RAB38: variants seen among roughly 807,000 people sequenced by gnomAD.
The protein encoded by RAB38 is ras-related protein Rab-38.
RAB38 carries 15 observed loss-of-function variants against 18.4 expected under a neutral mutation model. The ratio of observed to expected loss-of-function variants is 0.82; its 90% CI spans 0.55 to 1.26. The LOEUF is 1.26. Ranked by LOEUF, RAB38 falls within the 50% of genes most tolerant of loss-of-function variation. The pLI, the probability that RAB38 is intolerant of heterozygous loss-of-function variation, is 0.00. For missense variants in RAB38, 294 were observed against 267.4 expected, an observed-to-expected ratio of 1.10 and a Z score of -0.69; for synonymous variants, 101 against 104.4, an observed-to-expected ratio of 0.97 and a Z score of 0.20.
intron 1 of RAB38, among the ~76,000 whole-genome samples, chr11:88,163,693 T>C (rs4500493): frequency 0.14 from 20,756 of 152,188 alleles, 1,529 homozygotes; most frequent in Middle Eastern, 0.21. Flanking sequence ...GAACAAAAGA[T>C]GGATGGATTA....
the RAB38 span, among the ~76,000 whole-genome samples, chr11:87,836,828 T>C: frequency 6.6e-6 from 1 of 152,306 alleles, no homozygotes; most frequent in South Asian, 2.1e-4. Context: ...TAAATTTCTT[T>C]TTGTACTCAT....
chr11:87,972,477 C>T, the RAB38 span, among the ~76,000 whole-genome samples: 24 of 152,090 alleles, frequency 1.6e-4, no homozygotes, highest in African/African-American at 5.3e-4. Flanking sequence ...ACTGAATGAA[C>T]AGAGATAGAA....
the RAB38 span, among the ~76,000 whole-genome samples, chr11:87,856,304 T>C: frequency 6.6e-6 from 1 of 152,082 alleles, no homozygotes; most frequent in Non-Finnish European, 1.5e-5. Flanking sequence ...CTTCATACAC[T>C]CTTACAAACT....
chr11:87,910,628 A>ATTTTT, the RAB38 span, among the ~76,000 whole-genome samples: 1 of 74,190 alleles, frequency 1.3e-5, no homozygotes, highest in African/African-American at 6.0e-5. Context: ...TTCAAAGTTC[A>ATTTTT]TTTTCTTTTT....
At chr11:88,067,892 G>A in the RAB38 span, among the ~76,000 whole-genome samples, 1 of 150,686 alleles carries the variant, frequency 6.6e-6, no homozygotes, top group Admixed American at 6.6e-5. Flanking sequence ...TTCTACACAT[G>A]TATCCCAGAA....
chr11:87,954,550 C>T, the RAB38 span, among the ~76,000 whole-genome samples: 1 of 151,758 alleles, frequency 6.6e-6, no homozygotes, highest in African/African-American at 2.4e-5. Context: ...GAAGGAACAG[C>T]CTTGTTGAGA....
At chr11:87,824,300 T>G in the RAB38 span, among the ~76,000 whole-genome samples, 3,262 of 152,292 alleles carry the variant, frequency 0.021, 110 homozygotes, top group African/African-American at 0.073. Context: ...ATTTGGAGGC[T>G]TTCCAGAAAA....
the RAB38 span, among the ~76,000 whole-genome samples, chr11:87,828,893 C>T: frequency 1.3e-5 from 2 of 152,178 alleles, no homozygotes; most frequent in East Asian, 3.8e-4. Flanking sequence ...TTATCCACAA[C>T]TTCCTGTTTG....
chr11:88,017,470 T>C, the RAB38 span, among the ~76,000 whole-genome samples: 1 of 151,792 alleles, frequency 6.6e-6, no homozygotes, highest in Non-Finnish European at 1.5e-5. Flanking sequence ...ATTTTAAAAA[T>C]GTGCATATAA....
chr11:88,098,602 TTC>T, the RAB38 span: 4 of 152,048 alleles, frequency 2.6e-5, no homozygotes, highest in African/African-American at 7.2e-5. Context: ...GATCTTTCCA[TTC>T]TCTGTTTTTA....
chr11:88,019,758 A>G, the RAB38 span, among the ~76,000 whole-genome samples: 1 of 152,192 alleles, frequency 6.6e-6, no homozygotes, highest in Non-Finnish European at 1.5e-5. Context: ...CAGAAAATTT[A>G]TGACACTCAT....
At chr11:88,004,075 G>T in the RAB38 span, among the ~76,000 whole-genome samples, 267 of 142,404 alleles carry the variant, frequency 1.9e-3, no homozygotes, top group Non-Finnish European at 3.4e-3. Flanking sequence ...TCTCAGAAAA[G>T]AAAGAAAATC....
At chr11:88,030,583 A>C in the RAB38 span, among the ~76,000 whole-genome samples, 6 of 152,372 alleles carry the variant, frequency 3.9e-5, no homozygotes, top group East Asian at 1.2e-3. Context: ...AACTACCATC[A>C]GAGAATACAA....
chr11:88,030,535 GATAAAGAGGAT>G, the RAB38 span, among the ~76,000 whole-genome samples: 5 of 152,114 alleles, frequency 3.3e-5, no homozygotes, highest in African/African-American at 1.2e-4. Flanking sequence ...AATAAAAAAT[GATAAAGAGGAT>G]ATAACCACCG....
At chr11:87,932,131 G>T in the RAB38 span, among the ~76,000 whole-genome samples, 1 of 151,966 alleles carries the variant, frequency 6.6e-6, no homozygotes, top group East Asian at 1.9e-4. Flanking sequence ...GAGATTCAAG[G>T]GGGGCAAGGG....
the RAB38 span, among the ~76,000 whole-genome samples, chr11:87,822,822 T>C: frequency 1.3e-5 from 2 of 152,184 alleles, no homozygotes; most frequent in East Asian, 3.8e-4. Flanking sequence ...CCACATGATT[T>C]TTTAACAGGA....
chr11:88,145,190 C>T (rs1254674937), intron 2 of RAB38, among the ~76,000 whole-genome samples: 2 of 151,806 alleles, frequency 1.3e-5, no homozygotes, highest in Non-Finnish European at 2.9e-5. Flanking sequence ...GCTCAAGTCG[C>T]CCAGGCTGGT....
chr11:87,805,934 A>G, the RAB38 span, among the ~76,000 whole-genome samples: 1 of 152,170 alleles, frequency 6.6e-6, no homozygotes, highest in East Asian at 1.9e-4. Context: ...GGGCCTCCCC[A>G]CGTTATTGGA....
Position 88,175,214 on chromosome 11 carries a change from A to G in RAB38, c.171T>C (p.Thr57=). The G allele has an allele frequency of 1.9e-6, 3 of 1,613,176 alleles. No homozygotes were observed. In the East Asian group the frequency reaches 6.7e-5, roughly 36 times the overall value. Residue 57 remains threonine, a synonymous_variant, in exon 1 of 3, where the codon ACT becomes ACC. Coordinates refer to ENST00000243662, the MANE Select transcript of RAB38 (RefSeq NM_022337.3). The part of the protein sequence containing the change: ...ALKVLHWDPE[T]VVRLQLWDIA... ...TATCCCAGAGCTGCAGGCGCACCAC[A>G]GTCTCCGGGTCCCAGTGGAGCACCT...
Sources: gnomAD v4.1 joint callset for allele counts (sites outside exome capture counted in the v4.1 genomes callset) on GRCh38, gnomAD v4.1.1 for gene constraint, MANE v1.5 for transcripts, NCBI Gene and HGNC (gene_info 2026-07-23, HGNC 2026-07-21) for gene names.